The following MTFMT variants were observed in gnomAD, a reference collection of about 807,000 sequenced individuals.
MTFMT encodes the protein mitochondrial methionyl-tRNA formyltransferase.
A neutral mutation model predicts 51.8 loss-of-function variants in MTFMT; 47 were observed. The observed-to-expected ratio is 0.91, with a 90% CI of 0.72 to 1.16. The LOEUF (loss-of-function observed/expected upper bound fraction) is 1.16. Ranked by LOEUF, MTFMT falls within the 50% of genes most tolerant of loss-of-function variation. MTFMT has a pLI of 0.00. For missense variants in MTFMT, 512 were observed against 482.3 expected (o/e 1.06, Z -0.58); for synonymous variants, 196 against 176.7 (o/e 1.11, Z -0.87).
chr15:65,013,297 T>A (rs1026185834), intron 6 of MTFMT, among the ~76,000 whole-genome samples: 1 of 151,604 alleles, frequency 6.6e-6, no homozygotes, highest in East Asian at 1.9e-4. Flanking sequence ...CTTTTTTTTT[T>A]AAGAGACAAA....
At chr15:65,019,826 T>C (rs1212239326) in intron 5 of MTFMT, among the ~76,000 whole-genome samples, 2 of 152,166 alleles carry the variant, frequency 1.3e-5, no homozygotes, top group Non-Finnish European at 2.9e-5. Flanking sequence ...TACTTAGAGA[T>C]GAAAGATCAT....
chr15:65,020,309 AT>A, intron 4 of MTFMT, 37 bp from the exon 5 acceptor site: 1 of 1,550,846 alleles, frequency 6.4e-7, no homozygotes, highest in Non-Finnish European at 8.9e-7. Context: ...TATATTCAAA[AT>A]GAAGGGAAGA....
intron 6 of MTFMT, among the ~76,000 whole-genome samples, chr15:65,011,981 T>C (rs2086271327): frequency 6.6e-6 from 1 of 152,094 alleles, no homozygotes; most frequent in Non-Finnish European, 1.5e-5. Context: ...GTTTTCTAGT[T>C]TTAGCTATTC....
At chr15:65,024,218 C>A (rs1283228537) in intron 2 of MTFMT, among the ~76,000 whole-genome samples, 7 of 152,072 alleles carry the variant, frequency 4.6e-5, no homozygotes, top group Non-Finnish European at 1.0e-4. Context: ...CCCAGCTACT[C>A]GGAAGGCTGA....
At chr15:65,012,594 T>G (rs1364034970) in intron 6 of MTFMT, among the ~76,000 whole-genome samples, 3 of 152,064 alleles carry the variant, frequency 2.0e-5, no homozygotes, top group Non-Finnish European at 4.4e-5. Flanking sequence ...GAGATGAGGT[T>G]TCACCATGTT....
intron 1 of MTFMT, 85 bp downstream of exon 1, chr15:65,029,319 AG>A (rs942820345): frequency 6.0e-6 from 8 of 1,330,418 alleles, no homozygotes; most frequent in Admixed American, 8.2e-5. Flanking sequence ...TTCCGCAACC[AG>A]AAGTCCAAAA....
intron 6 of MTFMT, among the ~76,000 whole-genome samples, chr15:65,008,667 T>C (rs995479952): frequency 6.6e-6 from 1 of 152,242 alleles, no homozygotes; most frequent in East Asian, 1.9e-4. Context: ...AATTTGAACA[T>C]TAAATCAAAT....
chr15:65,007,391 T>C (rs945949567), intron 6 of MTFMT, among the ~76,000 whole-genome samples: 16 of 152,254 alleles, frequency 1.1e-4, no homozygotes, highest in Admixed American at 7.9e-4. Context: ...CATCAGTACA[T>C]ACTTATCAAT....
At chr15:65,012,311 A>C (rs904378142) in intron 6 of MTFMT, among the ~76,000 whole-genome samples, 1 of 151,586 alleles carries the variant, frequency 6.6e-6, no homozygotes, top group African/African-American at 2.4e-5. Flanking sequence ...GTATAATAAT[A>C]ATAATAATAA....
Position 65,026,985 on chromosome 15 carries a change from G to A in MTFMT, c.265C>T (p.Pro89Ser). Residue 89 changes from proline to serine, a missense_variant, in exon 2 of 9, where the codon CCA becomes TCA. Pro to Ser is a moderately conservative substitution (Grantham distance 74, BLOSUM62 -1). Transcript: ENST00000220058. Reference protein sequence around the residue: ...DKLEVVTMPSPSPKGLPVKQY... With the variant: ...DKLEVVTMPSSSPKGLPVKQY... Reference sequence around the variant, plus strand: ...TTCACTGGCAGTCCTTTTGGTGATGGGGAAGGCATTGTGACCACCTCCAGT... The same window carrying A: ...TTCACTGGCAGTCCTTTTGGTGATGAGGAAGGCATTGTGACCACCTCCAGT... 6.2e-7 allele frequency: 1 copy of A among 1,613,978 alleles called. No individual in the cohort carries two copies. The highest frequency in any genetic ancestry group is 2.2e-5 in the East Asian group (1 of 44,884).
At chr15:65,024,886 A>G (rs2086408479) in intron 2 of MTFMT, among the ~76,000 whole-genome samples, 1 of 152,244 alleles carries the variant, frequency 6.6e-6, no homozygotes, top group African/African-American at 2.4e-5. Flanking sequence ...AAAACACTTG[A>G]ACAAGAACAT....
intron 2 of MTFMT, among the ~76,000 whole-genome samples, chr15:65,025,331 G>C (rs866956295): frequency 1.3e-5 from 2 of 151,854 alleles, no homozygotes; most frequent in African/African-American, 4.8e-5. Flanking sequence ...CTTGAGTCTG[G>C]GGCTGCAGTG....
Position 65,029,357 on chromosome 15 carries a change from G to A in MTFMT, c.209+48C>T, listed in dbSNP as rs554048851. ...CCTCGGGGCCGGCCGCCCGGGCGCG[G>A]CCTGGAGGCCTTCAGCGGCCGGGTC... On this transcript the variant is annotated intron_variant, in intron 1 of 8. Transcript: ENST00000220058. 157 of 1,395,452 alleles carry A rather than the reference G, an allele frequency of 1.1e-4. 1 individual carries two copies. The East Asian group carries it at 4.4e-3, about 39-fold the overall frequency. The allele number at this position is 1,395,452 out of a possible 1,614,324, so 86.4% of individuals were successfully genotyped here. A position where few individuals can be genotyped will look rare whatever the true frequency, so the allele number is the denominator to read the frequency against.
intron 6 of MTFMT, among the ~76,000 whole-genome samples, chr15:65,008,584 T>C (rs2086237732): frequency 6.6e-6 from 1 of 152,240 alleles, no homozygotes; most frequent in Admixed American, 6.5e-5. Flanking sequence ...TTTCTGATTC[T>C]CAGTGCAGTG....
chr15:65,029,404 C>CCTGG lies in MTFMT; in HGVS notation c.206_209dup (p.Arg70SerfsTer41). 2.0e-6 allele frequency: 3 copies of CCTGG among 1,491,214 alleles called. No homozygotes were observed. The highest frequency in any genetic ancestry group is 2.7e-6 in the Non-Finnish European group (3 of 1,121,914). 92.4% of individuals were successfully genotyped at this position (1,491,214 alleles called of 1,614,324 possible). A position where few individuals can be genotyped will look rare whatever the true frequency, so the allele number is the denominator to read the frequency against. On this transcript the variant is annotated frameshift_variant and splice_region_variant. Transcript: ENST00000220058. LOFTEE classifies it high-confidence loss of function. ...GGTCCCCGGATCCCTGGCCCGGGTA[C>CCTGG]CTGGCGGCGTGCAGCGCCCGCAGCG...
At chr15:65,010,586 A>G (rs2140477098) in intron 6 of MTFMT, among the ~76,000 whole-genome samples, 1 of 152,184 alleles carries the variant, frequency 6.6e-6, no homozygotes, top group East Asian at 1.9e-4. Context: ...TATATACCAC[A>G]TTTTTTTAAC....
intron 6 of MTFMT, among the ~76,000 whole-genome samples, chr15:65,009,262 A>G (rs568163750): frequency 6.6e-6 from 1 of 152,366 alleles, no homozygotes; most frequent in South Asian, 2.1e-4. Context: ...ATCATCATGT[A>G]GTAAGTTATA....
intron 6 of MTFMT, among the ~76,000 whole-genome samples, chr15:65,006,952 T>G (rs1189407606): frequency 6.6e-6 from 1 of 152,226 alleles, no homozygotes; most frequent in Admixed American, 6.5e-5. Context: ...CAGGTCATTA[T>G]GCACAGTGGG....
chr15:65,015,967 C>T (rs146328977), intron 6 of MTFMT: 2 of 152,400 alleles, frequency 1.3e-5, no homozygotes, highest in East Asian at 1.9e-4. Flanking sequence ...TTAACTCAGA[C>T]ATTTTAACAA....
Sources: gnomAD v4.1 joint callset for allele counts (sites outside exome capture counted in the v4.1 genomes callset) on GRCh38, gnomAD v4.1.1 for gene constraint, MANE v1.5 for transcripts, NCBI Gene and HGNC (gene_info 2026-07-23, HGNC 2026-07-21) for gene names.